Variants in PXDNL observed in about 807,000 individuals in gnomAD.
PXDNL encodes probable oxidoreductase PXDNL.
PXDNL carries 145 observed loss-of-function variants against 150.8 expected under a neutral mutation model. The ratio of observed to expected loss-of-function variants is 0.96; its 90% CI spans 0.84 to 1.10. PXDNL has a LOEUF of 1.10. Ranked by LOEUF, PXDNL falls within the 50% of genes least tolerant of loss-of-function variation. PXDNL has a pLI of 0.00. For synonymous variants in PXDNL, 757 were observed against 725.7 expected (o/e 1.04, Z -0.69); for missense variants, 2,087 against 1,873.9 (o/e 1.11, Z -2.10).
intron 1 of PXDNL, among the ~76,000 whole-genome samples, chr8:51,806,602 A>G (rs939490210): frequency 2.6e-5 from 4 of 152,180 alleles, no homozygotes; most frequent in Non-Finnish European, 4.4e-5. Context: ...CCATTTCTCT[A>G]CTAGAAGTCA....
intron 21 of PXDNL, 94 bp downstream of exon 21, chr8:51,339,530 G>A (rs1805928288): frequency 8.0e-7 from 1 of 1,250,750 alleles, no homozygotes; most frequent in Admixed American, 2.2e-5. Flanking sequence ...TTCTGATACT[G>A]TGCTGTAATT....
intron 12 of PXDNL, among the ~76,000 whole-genome samples, chr8:51,437,755 G>A (rs934245027): frequency 2.6e-5 from 4 of 151,672 alleles, no homozygotes; most frequent in Admixed American, 6.6e-5. Flanking sequence ...AAAAGTTGAC[G>A]GCACTATCCC....
intron 2 of PXDNL, among the ~76,000 whole-genome samples, chr8:51,606,503 C>G (rs886651153): frequency 6.6e-6 from 1 of 152,142 alleles, no homozygotes; most frequent in East Asian, 1.9e-4. Context: ...AGAAATAATA[C>G]TCTAACTATA....
chr8:51,575,630 G>A (rs1813035325), intron 3 of PXDNL, among the ~76,000 whole-genome samples: 1 of 151,906 alleles, frequency 6.6e-6, no homozygotes, highest in Admixed American at 6.6e-5. Flanking sequence ...TAGGAGAATT[G>A]GTCGAACCTG....
chr8:51,450,191 T>C (rs1337209260), intron 10 of PXDNL, among the ~76,000 whole-genome samples: 2 of 152,322 alleles, frequency 1.3e-5, no homozygotes, highest in Non-Finnish European at 2.9e-5. Flanking sequence ...GCTAATGCAT[T>C]ATAATTAGCA....
At chr8:51,802,134 A>AT (rs969939557) in intron 1 of PXDNL, among the ~76,000 whole-genome samples, 2 of 150,418 alleles carry the variant, frequency 1.3e-5, no homozygotes, top group South Asian at 2.1e-4. Flanking sequence ...GTAGACAGGA[A>AT]TTTTTTTAAG....
intron 4 of PXDNL, among the ~76,000 whole-genome samples, chr8:51,536,012 A>AT (rs747494283): frequency 2.0e-5 from 3 of 152,156 alleles, no homozygotes; most frequent in Non-Finnish European, 2.9e-5. Flanking sequence ...GGAACAAGTG[A>AT]TTAAGTTCAG....
intron 17 of PXDNL, among the ~76,000 whole-genome samples, chr8:51,407,129 G>C (rs2130882014): frequency 6.6e-6 from 1 of 152,244 alleles, no homozygotes; most frequent in East Asian, 1.9e-4. Context: ...TTTAAACCAG[G>C]TCTTCGTGAA....
At chr8:51,478,412 G>A (rs1038857148) in intron 6 of PXDNL, among the ~76,000 whole-genome samples, 11 of 152,152 alleles carry the variant, frequency 7.2e-5, no homozygotes, top group Admixed American at 2.0e-4. Flanking sequence ...GGAAATAAGT[G>A]GTGCTAGGTA....
intron 6 of PXDNL, among the ~76,000 whole-genome samples, chr8:51,482,746 T>C (rs890036846): frequency 2.0e-5 from 3 of 152,186 alleles, no homozygotes; most frequent in Non-Finnish European, 2.9e-5. Context: ...ATGTAAGACA[T>C]TCCTTTGCTC....
intron 19 of PXDNL, among the ~76,000 whole-genome samples, chr8:51,350,588 C>T (rs766269660): frequency 3.3e-5 from 5 of 151,968 alleles, no homozygotes; most frequent in African/African-American, 7.3e-5. Flanking sequence ...CTCCTGACCT[C>T]AGGTGATCCG....
chr8:51,481,644 C>A (rs776213621), intron 6 of PXDNL, among the ~76,000 whole-genome samples: 1 of 152,124 alleles, frequency 6.6e-6, no homozygotes, highest in Non-Finnish European at 1.5e-5. Context: ...GGGCCTAGGG[C>A]CCCCCTGATC....
intron 1 of PXDNL, among the ~76,000 whole-genome samples, chr8:51,670,020 T>G (rs1301781817): frequency 6.6e-6 from 1 of 152,160 alleles, no homozygotes; most frequent in Non-Finnish European, 1.5e-5. Context: ...GCAGATCACT[T>G]GAGGTCAAGA....
intron 13 of PXDNL, 38 bp from the exon 14 acceptor site, chr8:51,423,769 G>T (rs768217822): frequency 1.3e-6 from 2 of 1,563,944 alleles, no homozygotes; most frequent in Non-Finnish European, 8.7e-7. Flanking sequence ...AATGAGTGTG[G>T]TTCCTTAAAA....
In PXDNL at chr8:51,408,101, T is replaced by G. The variant is rs1272590405; in HGVS notation, c.3523A>C (p.Ile1175Leu). 1 of 1,607,108 alleles carries G rather than the reference T, an allele frequency of 6.2e-7. No homozygotes were observed. The highest frequency in any genetic ancestry group is 2.2e-5 in the East Asian group (1 of 44,860). ...TTTTGTCTAATCTCTGAATCTTTAA[T>G]TTCATTTTGAAGATCCTCAAAGTTC... ...VKNFEDLQNE[I>L]KDSEIRQKLR... Residue 1175 changes from isoleucine (I) to leucine (L), a missense_variant, in exon 17 of 23, where the codon ATT (isoleucine) becomes CTT (leucine). By Grantham distance (5) the Ile-to-Leu change is conservative (BLOSUM62 2). Coordinates refer to ENST00000356297, the MANE Select transcript of PXDNL (RefSeq NM_144651.5).
chr8:51,407,112 A>G (rs1362197622), intron 17 of PXDNL, among the ~76,000 whole-genome samples: 1 of 152,232 alleles, frequency 6.6e-6, no homozygotes, highest in East Asian at 1.9e-4. Context: ...GGGTGGTAGA[A>G]CAGAGATTTA....
At chr8:51,639,848 T>C (rs1426014123) in intron 2 of PXDNL, among the ~76,000 whole-genome samples, 2 of 152,274 alleles carry the variant, frequency 1.3e-5, no homozygotes, top group East Asian at 3.9e-4. Flanking sequence ...CCCTAACTCA[T>C]TTTATGAGGC....
At chr8:51,619,617 C>T (rs931890882) in intron 2 of PXDNL, among the ~76,000 whole-genome samples, 4 of 152,166 alleles carry the variant, frequency 2.6e-5, no homozygotes, top group East Asian at 1.9e-4. Flanking sequence ...GGCACCTCCC[C>T]GCTTTCTCTT....
Position 51,453,677 on chromosome 8 carries a change from G to T in PXDNL, c.1091C>A (p.Thr364Asn). 1.2e-6 allele frequency: 2 copies of T among 1,614,008 alleles called. No homozygotes were observed. Among genetic ancestry groups the T allele is most frequent in the Non-Finnish European group, 1.7e-6 (2 of 1,179,894 alleles). Residue 364 changes from threonine (T) to asparagine (N), a missense_variant, in exon 10 of 23, where the codon ACC becomes AAC. Thr to Asn is a moderately conservative substitution (Grantham distance 65). Coordinates refer to ENST00000356297, the MANE Select transcript of PXDNL (RefSeq NM_144651.5). ...TGHPHPLITW[T>N]RDNGLELDGS... ...ATCCAGCTCCAATCCATTGTCCCTG[G>T]TCCAAGTGATAAGAGGGTGTGGGTG...
Sources: allele counts gnomAD v4.1 joint callset (sites outside exome capture counted in the v4.1 genomes callset), GRCh38; gene constraint gnomAD v4.1.1; transcripts MANE v1.5; gene names NCBI Gene and HGNC (gene_info 2026-07-23, HGNC 2026-07-21).